PGS1: variants seen among roughly 807,000 people sequenced by gnomAD.
PGS1 encodes the protein phosphatidylglycerophosphate synthase 1, also known as CDP-diacylglycerol--glycerol-3-phosphate 3-phosphatidyltransferase, mitochondrial.
PGS1 carries 44 observed loss-of-function variants against 58.3 expected under a neutral mutation model. The ratio of observed to expected loss-of-function variants is 0.75; its 90% CI spans 0.59 to 0.97. PGS1 has a LOEUF of 0.97. PGS1 is among the 50% of genes least tolerant of loss of function. PGS1 has a pLI of 0.00. For synonymous variants in PGS1, 330 were observed against 311.0 expected (o/e 1.06, Z -0.64); for missense variants, 684 against 731.1 (o/e 0.94, Z 0.74).
Position 78,424,048 on chromosome 17 carries a change from A to G in PGS1, c.*11-13A>G. ...ACACTCATAGATGTTCTTGGTCTCC[A>G]TGCGGTCCACAGGAATGGCCTTGAT... On this transcript the variant is annotated splice_polypyrimidine_tract_variant and intron_variant, in intron 9 of 9. Transcript: ENST00000262764. 6.2e-7 allele frequency: 1 copy of G among 1,614,056 alleles called. No individual in the cohort carries two copies. The highest frequency in any genetic ancestry group is 2.2e-5 in the East Asian group (1 of 44,890).
At chr17:78,387,463 C>G (rs1434553775) in intron 1 of PGS1, among the ~76,000 whole-genome samples, 1 of 150,686 alleles carries the variant, frequency 6.6e-6, no homozygotes, top group Non-Finnish European at 1.5e-5. Context: ...CCAGGCCCGG[C>G]TAATTTTGTA....
At chr17:78,408,726 T>C (rs993603455) in intron 7 of PGS1, among the ~76,000 whole-genome samples, 2 of 151,874 alleles carry the variant, frequency 1.3e-5, no homozygotes, top group African/African-American at 4.8e-5. Flanking sequence ...CTTTGGGAGG[T>C]GGGGCTGAGT....
intron 1 of PGS1, among the ~76,000 whole-genome samples, chr17:78,385,189 G>C (rs1294587242): frequency 1.3e-5 from 2 of 152,114 alleles, no homozygotes; most frequent in Admixed American, 1.3e-4. Flanking sequence ...CGCAATCTCG[G>C]CTCACTGCAA....
intron 7 of PGS1, among the ~76,000 whole-genome samples, chr17:78,410,691 T>G (rs144499225): frequency 6.6e-6 from 1 of 151,870 alleles, no homozygotes; most frequent in Non-Finnish European, 1.5e-5. Context: ...CCAGGCTGGT[T>G]TTGAACTCCT....
intron 9 of PGS1, among the ~76,000 whole-genome samples, chr17:78,423,477 G>A (rs1454719052): frequency 6.6e-6 from 1 of 152,176 alleles, no homozygotes; most frequent in Non-Finnish European, 1.5e-5. Flanking sequence ...TCATTGGCAG[G>A]TGGTTTGCAT....
intron 1 of PGS1, among the ~76,000 whole-genome samples, chr17:78,390,062 T>TCCCCCCCCCCCCCCCCCCCCCCCCCGCC (rs1555628316): frequency 5.6e-4 from 72 of 128,468 alleles, no homozygotes; most frequent in South Asian, 1.0e-3. Context: ...TGTTGCCTGT[T>TCCCCCCCCCCCCCCCCCCCCCCCCCGCC]CCCCCGCCCC....
chr17:78,404,222 G>A, intron 7 of PGS1, 133 bp downstream of exon 7: 1 of 911,896 alleles, frequency 1.1e-6, no homozygotes, highest in Non-Finnish European at 1.6e-6. Flanking sequence ...GCCCTTGCAG[G>A]CACATCATAG....
intron 8 of PGS1, among the ~76,000 whole-genome samples, chr17:78,418,381 C>T (rs1016266753): frequency 5.3e-5 from 8 of 152,172 alleles, no homozygotes; most frequent in Admixed American, 3.3e-4. Flanking sequence ...CTGTGTACAG[C>T]GCACGGAGGC....
At position 78,385,576 on chromosome 17, in the gene PGS1, G is replaced by C. The variant is rs185264063; in HGVS notation, c.143+6768G>C. Among the ~76,000 whole-genome samples, 618 of 152,148 alleles carry C rather than the reference G, an allele frequency of 4.1e-3. 7 individuals are homozygous for C. The highest frequency in any genetic ancestry group is 0.014 in the African/African-American group (593 of 41,518). ...AGTGTTGGGATTACAGGCGTGAGCC[G>C]CTGTGCCTGGCCTAATTTTTGTATT... On this transcript the variant is annotated intron_variant, in intron 1 of 9. Transcript: ENST00000262764.
chr17:78,382,332 G>A (rs28632046), intron 1 of PGS1, among the ~76,000 whole-genome samples: 4,964 of 152,206 alleles, frequency 0.033, 231 homozygotes, highest in East Asian at 0.24. Context: ...TTTTGATTCT[G>A]GTTCAGCCTG....
intron 7 of PGS1, among the ~76,000 whole-genome samples, chr17:78,409,598 A>T (rs1168321079): frequency 6.6e-6 from 1 of 152,224 alleles, no homozygotes; most frequent in East Asian, 1.9e-4. Context: ...GAGCACACAC[A>T]CCAGCCTGTG....
At chr17:78,402,217 C>T (rs2083729402) in intron 6 of PGS1, among the ~76,000 whole-genome samples, 1 of 152,218 alleles carries the variant, frequency 6.6e-6, no homozygotes, top group Non-Finnish European at 1.5e-5. Flanking sequence ...TCTGTTCCTG[C>T]CCCCAGCTCA....
At chr17:78,423,839 G>A (rs1486720526) in intron 9 of PGS1, 1 of 1,579,764 alleles carries the variant, frequency 6.3e-7, no homozygotes, top group Non-Finnish European at 8.6e-7. Flanking sequence ...ATAAGTCACA[G>A]GTGCACAGGT....
intron 9 of PGS1, chr17:78,419,887 CCACTCCACT>C: frequency 1.5e-6 from 2 of 1,292,702 alleles, no homozygotes; most frequent in Non-Finnish European, 2.0e-6. Context: ...CATCTGGTAC[CCACTCCACT>C]AAGTCCCAAG....
chr17:78,403,637 G>A lies in PGS1; in HGVS notation c.950G>A (p.Arg317His), dbSNP rs752689030. 5.6e-6 allele frequency: 9 copies of A among 1,614,048 alleles called. No individual in the cohort carries two copies. In the Admixed American group the frequency reaches 6.7e-5, roughly 12 times the overall value. Reference sequence around the variant, plus strand: ...GATGTGATCAACTCAGCCAGGACCCGCCAGCAGATGCTGCATGCCCAGACC... The same window carrying A: ...GATGTGATCAACTCAGCCAGGACCCACCAGCAGATGCTGCATGCCCAGACC... ...VMDVINSART[R>H]QQMLHAQTFH... The change falls in exon 7 of 10, where the codon CGC (arginine) becomes CAC (histidine). Residue 317 changes from arginine (R) to histidine (H), a missense_variant. Transcript: ENST00000262764.
chr17:78,395,821 C>T (rs754516014), intron 2 of PGS1, among the ~76,000 whole-genome samples: 3 of 152,236 alleles, frequency 2.0e-5, no homozygotes, highest in African/African-American at 7.2e-5. Flanking sequence ...TCATTGCAAC[C>T]TCTGCCTCCT....
At chr17:78,423,746 C>G in intron 9 of PGS1, 1 of 947,252 alleles carries the variant, frequency 1.1e-6, no homozygotes, top group Non-Finnish European at 1.6e-6. Flanking sequence ...ACACCAACCT[C>G]CACCCTCTGG....
intron 1 of PGS1, among the ~76,000 whole-genome samples, chr17:78,391,296 C>T (rs1014944408): frequency 6.6e-6 from 1 of 152,068 alleles, no homozygotes; most frequent in Non-Finnish European, 1.5e-5. Flanking sequence ...CCGTCTCTCC[C>T]TGCTCCAGCT....
chr17:78,392,647 G>C lies in PGS1; in HGVS notation c.315G>C (p.Glu105Asp). ...TTAGGGTGCTTTCTTCCCCGGCAGA[G>C]TTTTTCGAGCTCATGAAGGTAAGTG... ...SHVRVLSSPA[E>D]FFELMKGQIR... The change falls in exon 2 of 10, where the codon GAG becomes GAC. Residue 105 changes from glutamate (E) to aspartate (D), a missense_variant. Coordinates refer to ENST00000262764, the MANE Select transcript of PGS1 (RefSeq NM_024419.5). The C allele has an allele frequency of 6.2e-7, 1 of 1,613,928 alleles. No homozygotes were observed. The highest frequency in any genetic ancestry group is 8.5e-7 in the Non-Finnish European group (1 of 1,179,912).
Sources: gnomAD v4.1 joint callset for allele counts (sites outside exome capture counted in the v4.1 genomes callset) on GRCh38, gnomAD v4.1.1 for gene constraint, MANE v1.5 for transcripts, NCBI Gene and HGNC (gene_info 2026-07-23, HGNC 2026-07-21) for gene names.